PPP1R10: variants seen among roughly 807,000 people sequenced by gnomAD.
PPP1R10 encodes protein phosphatase 1 regulatory subunit 10.
In PPP1R10, 15 loss-of-function variants were observed where a neutral mutation model predicts 99.0. The observed-to-expected ratio is 0.15, with a 90% CI of 0.10 to 0.23. The LOEUF is 0.23. Ranked by LOEUF, PPP1R10 falls within the 10% of genes least tolerant of loss-of-function variation. The pLI is 1.00. For missense variants in PPP1R10, 947 were observed against 1,259.4 expected, an observed-to-expected ratio of 0.75 and a Z score of 3.75; for synonymous variants, 430 against 449.5, an observed-to-expected ratio of 0.96 and a Z score of 0.55.
chr6:30,602,529 C>A lies in PPP1R10; in HGVS notation c.2120G>T (p.Arg707Leu), dbSNP rs772004885. Residue 707 changes from arginine to leucine, a missense_variant, in exon 19 of 20, where the codon CGA becomes CTA. Arg to Leu is a moderately radical substitution (Grantham distance 102). Coordinates refer to ENST00000376511, the MANE Select transcript of PPP1R10 (RefSeq NM_002714.4). The surrounding 1 kb of genome is among the most constrained non-coding windows in gnomAD (Gnocchi z 6.7). ...GPGPGPYHRGRGGRGGNEPPP... is the reference protein window; with the variant it reads ...GPGPGPYHRGLGGRGGNEPPP... ...AGGTTCGTTTCCTCCTCGGCCACCT[C>A]GGCCTCTATGGTATGGTCCAGGACC... 2 of 1,572,144 alleles carry A rather than the reference C, an allele frequency of 1.3e-6. No homozygotes were observed. Among genetic ancestry groups the A allele is most frequent in the Non-Finnish European group, 8.6e-7 (1 of 1,157,860 alleles).
chr6:30,609,172 G>T lies in PPP1R10; in HGVS notation c.108-9C>A, dbSNP rs561418390. 1 of 1,612,930 alleles carries T rather than the reference G, an allele frequency of 6.2e-7. No homozygotes were observed. Among genetic ancestry groups the T allele is most frequent in the South Asian group, 1.1e-5 (1 of 91,080 alleles). ...GTGCTTCCTTCATCAAACTGCAGAA[G>T]ATGAGTTAGGGTTAGAAATGAAGCA... On this transcript the variant is annotated splice_polypyrimidine_tract_variant and intron_variant, in intron 3 of 19. Coordinates refer to ENST00000376511, the MANE Select transcript of PPP1R10 (RefSeq NM_002714.4). This position sits in a 1 kb window ranked among gnomAD's most constrained non-coding sequence, Gnocchi z 4.5.
chr6:30,609,448 A>G lies in PPP1R10; in HGVS notation c.108-285T>C, dbSNP rs1047140883. 4.7e-4 allele frequency among the ~76,000 whole-genome samples: 71 copies of G among 152,182 alleles called. No individual in the cohort carries two copies. The highest frequency in any genetic ancestry group is 1.6e-3 in the African/African-American group (67 of 41,448). ...CTCCAGGTGATAAGGCTATCCCTCA[A>G]CAACTGTCCCTAATAGTCTGTTCAA... On this transcript the variant is annotated intron_variant, in intron 3 of 19. Transcript: ENST00000376511. This position sits in a 1 kb window ranked among gnomAD's most constrained non-coding sequence, Gnocchi z 4.5.
At chr6:30,608,074 G>A (rs1029752941) in intron 5 of PPP1R10, among the ~76,000 whole-genome samples, 183 bp from the exon 6 acceptor site, 6 of 144,426 alleles carry the variant, frequency 4.2e-5, no homozygotes, top group East Asian at 2.2e-4. Context: ...CTGCAGCCTC[G>A]ACCTCCCAGG....
Position 30,609,929 on chromosome 6 carries a change from T to G in PPP1R10, c.16A>C (p.Ile6Leu), listed in dbSNP as rs1410464542. The change falls in exon 3 of 20, where the codon ATA becomes CTA. Residue 6 changes from isoleucine to leucine, a missense_variant. By Grantham distance (5) the Ile-to-Leu change is conservative (BLOSUM62 2). This residue lies in a region of PPP1R10 where 82 missense variants were observed against 117.3 expected (regional missense o/e 0.70). Coordinates refer to ENST00000376511, the MANE Select transcript of PPP1R10 (RefSeq NM_002714.4). This position sits in a 1 kb window ranked among gnomAD's most constrained non-coding sequence, Gnocchi z 4.5. Reference sequence around the variant, plus strand: ...CCCTTGAGAAGTTCTTTGGGGTCTATGGGACCCGAACCCATGATGGTGGTT... The same window carrying G: ...CCCTTGAGAAGTTCTTTGGGGTCTAGGGGACCCGAACCCATGATGGTGGTT... MGSGP[I>L]DPKELLKGLD... The G allele has an allele frequency of 9.9e-6, 16 of 1,613,814 alleles. No homozygotes were observed. The highest frequency in any genetic ancestry group is 1.4e-5 in the Non-Finnish European group (16 of 1,179,806).
Position 30,605,996 on chromosome 6 carries a change from C to T in PPP1R10, c.780G>A (p.Glu260=), listed in dbSNP as rs752187921. 6.2e-7 allele frequency: 1 copy of T among 1,613,738 alleles called. No individual in the cohort carries two copies. The highest frequency in any genetic ancestry group is 1.7e-5 in the Admixed American group (1 of 59,960). Residue 260 remains glutamate, a synonymous_variant, in exon 10 of 20, where the codon GAG becomes GAA. Transcript: ENST00000376511. ...AAPGDATPPA[E]KKYKPLNTTP... ...TTGTGTTGAGTGGCTTGTATTTCTT[C>T]TCTGCAGGGGGAGTGGCATCTCCTG...
At chr6:30,615,173 A>G (rs558665173) in intron 2 of PPP1R10, among the ~76,000 whole-genome samples, 1 of 152,150 alleles carries the variant, frequency 6.6e-6, no homozygotes. Context: ...GACTTAAACT[A>G]AAAAGCCACC....
rs117383541 is a variant in PPP1R10, at chr6:30,607,662, T to C, written c.382+178A>G. Among the ~76,000 whole-genome samples, 78 of 152,200 alleles carry C rather than the reference T, an allele frequency of 5.1e-4. 1 individual carries two copies. In the East Asian group the frequency reaches 0.014, roughly 27 times the overall value. ...AACAGAGAAATGAACAACTTTGGAA[T>C]TGAGAACAGGAAAGAGGGTACAGGT... On this transcript the variant is annotated intron_variant, in intron 6 of 19. Coordinates refer to ENST00000376511, the MANE Select transcript of PPP1R10 (RefSeq NM_002714.4).
chr6:30,605,168 G>T, intron 10 of PPP1R10, 74 bp from the exon 11 acceptor site: 1 of 1,369,788 alleles, frequency 7.3e-7, no homozygotes, highest in Non-Finnish European at 1.0e-6. Context: ...CACAGTCCAG[G>T]CATAAAATGA....
intron 6 of PPP1R10, among the ~76,000 whole-genome samples, chr6:30,607,416 T>C (rs190343321): frequency 6.6e-6 from 1 of 152,388 alleles, no homozygotes; most frequent in African/African-American, 2.4e-5. Context: ...TCTTTCCTTT[T>C]GTACTTGGCA....
In PPP1R10 at chr6:30,603,233, G is replaced by A. The variant is rs773532487; in HGVS notation, c.1820C>T (p.Ser607Leu). ...ACCCAGCATCTGCTTGATCTTGTCC[G>A]AATAGTCTGGTTGTTTCAGTAGTTC... ...SEELLKQPDY[S>L]DKIKQMLVPH... Residue 607 changes from serine to leucine, a missense_variant, in exon 17 of 20, where the codon TCG (serine) becomes TTG (leucine). By Grantham distance (145) the Ser-to-Leu change is moderately radical. Transcript: ENST00000376511. The A allele has an allele frequency of 5.0e-6, 8 of 1,613,604 alleles. No homozygotes were observed. Among genetic ancestry groups the A allele is most frequent in the Middle Eastern group, 1.6e-4 (1 of 6,082 alleles).
Position 30,605,104 on chromosome 6 carries a change from G to C in PPP1R10, c.854-10C>G, listed in dbSNP as rs1803792204. 1.2e-6 allele frequency: 2 copies of C among 1,610,596 alleles called. No individual in the cohort carries two copies. Among genetic ancestry groups the C allele is most frequent in the South Asian group, 2.2e-5 (2 of 90,946 alleles). ...CCCAGGCCCTCCATAGCTACAAAAA[G>C]AAAGAGCACCAAATGGCATCATCAG... On this transcript the variant is annotated splice_polypyrimidine_tract_variant and intron_variant, in intron 10 of 19. Coordinates refer to ENST00000376511, the MANE Select transcript of PPP1R10 (RefSeq NM_002714.4).
chr6:30,601,641 CAG>C lies in PPP1R10; in HGVS notation c.2729_2730del (p.Pro910ArgfsTer14). The C allele has an allele frequency of 6.2e-7, 1 of 1,614,058 alleles. No individual in the cohort carries two copies. The highest frequency in any genetic ancestry group is 8.5e-7 in the Non-Finnish European group (1 of 1,179,984). The stretch of plus-strand genomic sequence containing the variant: ...CCCTTCATCATGAAATGTCGGCAGA[CAG>C]GGCGGTTTGACATGTCTGTGGGAAC... The part of the protein sequence containing the change: ...HSHGGDMSNR[P>X]VCRHFMMKGN... On this transcript the variant is annotated frameshift_variant, in exon 20 of 20. Coordinates refer to ENST00000376511, the MANE Select transcript of PPP1R10 (RefSeq NM_002714.4). LOFTEE classifies it high-confidence loss of function.
At chr6:30,614,835 C>T (rs1237902315) in intron 2 of PPP1R10, among the ~76,000 whole-genome samples, 2 of 152,090 alleles carry the variant, frequency 1.3e-5, no homozygotes, top group African/African-American at 2.4e-5. Context: ...AAAATAAAAA[C>T]TGGTTCTATA....
In PPP1R10 at chr6:30,609,953, T is replaced by C; in HGVS notation, c.-9A>G. ...ATGGGACCCGAACCCATGATGGTGG[T>C]TTCTATGGTAAGAGGACAAAACAAA... On this transcript the variant is annotated splice_region_variant and 5_prime_UTR_variant, in exon 3 of 20. Coordinates refer to ENST00000376511, the MANE Select transcript of PPP1R10 (RefSeq NM_002714.4). This position sits in a 1 kb window ranked among gnomAD's most constrained non-coding sequence, Gnocchi z 4.5. 6.2e-7 allele frequency: 1 copy of C among 1,607,786 alleles called. No homozygotes were observed. The highest frequency in any genetic ancestry group is 8.5e-7 in the Non-Finnish European group (1 of 1,174,200).
chr6:30,603,229 G>C lies in PPP1R10; in HGVS notation c.1824C>G (p.Asp608Glu), dbSNP rs141893435. Reference protein sequence around the residue: ...EELLKQPDYSDKIKQMLVPHG... With the variant: ...EELLKQPDYSEKIKQMLVPHG... ...GATTACCCAGCATCTGCTTGATCTT[G>C]TCCGAATAGTCTGGTTGTTTCAGTA... Residue 608 changes from aspartate to glutamate, a missense_variant, in exon 17 of 20, where the codon GAC becomes GAG. By Grantham distance (45) the Asp-to-Glu change is conservative. Coordinates refer to ENST00000376511, the MANE Select transcript of PPP1R10 (RefSeq NM_002714.4). 1 of 1,613,668 alleles carries C rather than the reference G, an allele frequency of 6.2e-7. No individual in the cohort carries two copies. The highest frequency in any genetic ancestry group is 2.2e-5 in the East Asian group (1 of 44,874).
intron 2 of PPP1R10, among the ~76,000 whole-genome samples, chr6:30,610,265 A>G (rs1804425745): frequency 6.6e-6 from 1 of 152,018 alleles, no homozygotes; most frequent in Non-Finnish European, 1.5e-5. Context: ...ACTTCACTAG[A>G]TCGTATTAAA....
chr6:30,605,817 G>C, intron 10 of PPP1R10, 106 bp downstream of exon 10: 1 of 1,101,758 alleles, frequency 9.1e-7, no homozygotes, highest in Non-Finnish European at 1.3e-6. Flanking sequence ...CCAAGACCGT[G>C]CCACTGCACT....
At chr6:30,605,222 G>A (rs1803805674) in intron 10 of PPP1R10, 128 bp from the exon 11 acceptor site, 2 of 737,476 alleles carry the variant, frequency 2.7e-6, no homozygotes. Flanking sequence ...ATAAGCTCAA[G>A]AGGACCAGGA....
rs1475563371 is a variant in PPP1R10, at chr6:30,604,518, G to T, written c.1103-7C>A. 6 of 1,612,878 alleles carry T rather than the reference G, an allele frequency of 3.7e-6. No individual in the cohort carries two copies. The highest frequency in any genetic ancestry group is 4.2e-6 in the Non-Finnish European group (5 of 1,180,020). The stretch of plus-strand genomic sequence containing the variant: ...GCTCCTGGCTCCAAAGAGGCTGGAA[G>T]CAGAAGAGGTTTCAGACCCAGATCC... On this transcript the variant is annotated splice_polypyrimidine_tract_variant and splice_region_variant and intron_variant, in intron 12 of 19. Transcript: ENST00000376511. The surrounding 1 kb of genome is among the most constrained non-coding windows in gnomAD (Gnocchi z 7.3).
Sources: allele counts gnomAD v4.1 joint callset (sites outside exome capture counted in the v4.1 genomes callset), GRCh38; gene constraint gnomAD v4.1.1; regional missense constraint gnomAD v4.1.1; non-coding constraint Gnocchi (gnomAD v3.1); transcripts MANE v1.5; gene names NCBI Gene and HGNC (gene_info 2026-07-23, HGNC 2026-07-21).